Variants in MID1 observed in about 807,000 individuals in gnomAD.
MID1 encodes midline 1.
A neutral mutation model predicts 40.4 loss-of-function variants in MID1; 7 were observed. The ratio of observed to expected loss-of-function variants is 0.17; its 90% confidence interval spans 0.10 to 0.33. The LOEUF (loss-of-function observed/expected upper bound fraction) is 0.33, where lower values mean the gene tolerates loss of function less well. MID1 is among the 10% of genes least tolerant of loss of function. MID1 has a pLI of 1.00. For synonymous variants in MID1, 229 were observed against 221.2 expected (o/e 1.04, Z -0.31); for missense variants, 367 against 558.5 (o/e 0.66, Z 3.46).
chrX:10,770,379 G>A (rs2043757708), intron 1 of MID1, among the ~76,000 whole-genome samples: 1 of 112,161 alleles, frequency 8.9e-6, no homozygotes, highest in South Asian at 3.7e-4. Context: ...TCAGAGGGAT[G>A]CCAAGTTGTT....
At chrX:10,460,321 A>T (rs1928951210) in intron 7 of MID1, among the ~76,000 whole-genome samples, 1 of 111,459 alleles carries the variant, frequency 9.0e-6, no homozygotes, top group Non-Finnish European at 1.9e-5. Flanking sequence ...GCGATCAGCC[A>T]ACCCCAACCG....
chrX:10,628,498 C>A (rs1312945201), intron 1 of MID1, among the ~76,000 whole-genome samples: 1 of 111,652 alleles, frequency 9.0e-6, no homozygotes, highest in Admixed American at 9.6e-5. Context: ...AACAAAATAA[C>A]TATTCTTTTT....
At chrX:10,582,297 G>A (rs920448299) in intron 1 of MID1, among the ~76,000 whole-genome samples, 13 of 111,445 alleles carry the variant, frequency 1.2e-4, no homozygotes, top group African/African-American at 3.9e-4. Flanking sequence ...CTCCCCTGGC[G>A]CGAGATACTA....
At chrX:10,684,364 T>C (rs928183200) in intron 1 of MID1, among the ~76,000 whole-genome samples, 5 of 109,332 alleles carry the variant, frequency 4.6e-5, no homozygotes, top group Non-Finnish European at 7.6e-5. Context: ...TCTTTCTTTC[T>C]TTCTCTCTTT....
chrX:10,532,917 GCCA>G (rs56179731), intron 2 of MID1, among the ~76,000 whole-genome samples: 37,263 of 108,028 alleles, frequency 0.34, 5,235 homozygotes, highest in Non-Finnish European at 0.41. Flanking sequence ...ACAGGCATGT[GCCA>G]CCACCATGCC....
intron 2 of MID1, among the ~76,000 whole-genome samples, chrX:10,534,695 A>C (rs1288301686): frequency 8.9e-6 from 1 of 111,766 alleles, no homozygotes; most frequent in African/African-American, 3.3e-5. Flanking sequence ...TCATATCCCC[A>C]CATGTGTGGT....
intron 1 of MID1, among the ~76,000 whole-genome samples, chrX:10,710,813 T>C (rs2043262213): frequency 8.9e-6 from 1 of 111,772 alleles, no homozygotes; most frequent in African/African-American, 3.3e-5. Context: ...TCCATATAAA[T>C]ATCATAGAAA....
At chrX:10,470,466 G>T (rs1322631695) in intron 6 of MID1, among the ~76,000 whole-genome samples, 1 of 111,929 alleles carries the variant, frequency 8.9e-6, no homozygotes, top group African/African-American at 3.2e-5. Flanking sequence ...ACTTATGTTT[G>T]TTATCCTACA....
rs777621574 is a variant in MID1, at chrX:10,666,514, T to G, written c.-186-46095A>C. 1.4e-4 allele frequency among the ~76,000 whole-genome samples: 16 copies of G among 110,966 alleles called. 1 individual carries two copies. The South Asian group carries it at 6.1e-3, about 43-fold the overall frequency. On this transcript the variant is annotated intron_variant, in intron 1 of 10. Transcript: ENST00000380785. The stretch of plus-strand genomic sequence containing the variant: ...AGAGGAATAAGTGAAACTAGCCAGC[T>G]AACTAACAGCAGGCACTGATTCTAG...
chrX:10,710,356 C>A (rs765492360), intron 1 of MID1, among the ~76,000 whole-genome samples: 2 of 111,511 alleles, frequency 1.8e-5, no homozygotes, highest in African/African-American at 3.3e-5. Flanking sequence ...TTTTGCCCAG[C>A]AGTTACACTC....
intron 1 of MID1, among the ~76,000 whole-genome samples, chrX:10,703,856 T>C (rs1367031044): frequency 8.9e-6 from 1 of 111,939 alleles, no homozygotes; most frequent in Non-Finnish European, 1.9e-5. Context: ...AAAGACCAAA[T>C]AGTGGATGAA....
chrX:10,537,053 C>T (rs1933283881), intron 2 of MID1, among the ~76,000 whole-genome samples: 1 of 111,527 alleles, frequency 9.0e-6, no homozygotes, highest in Non-Finnish European at 1.9e-5. Context: ...ATCTGACTGG[C>T]AGTTCTAAAT....
At chrX:10,755,725 C>T (rs931156429) in intron 1 of MID1, among the ~76,000 whole-genome samples, 6 of 111,986 alleles carry the variant, frequency 5.4e-5, no homozygotes, top group East Asian at 2.8e-4. Context: ...TCCTGGGAGC[C>T]TGTTGTGAGC....
chrX:10,766,911 A>G (rs896211590), intron 1 of MID1, among the ~76,000 whole-genome samples: 3,465 of 106,810 alleles, frequency 0.032, 124 homozygotes, highest in African/African-American at 0.11. Context: ...CCTGCCTCAA[A>G]AAAAAAAAAA....
intron 1 of MID1, among the ~76,000 whole-genome samples, chrX:10,743,282 T>C (rs1230984764): frequency 2.7e-5 from 3 of 112,615 alleles, no homozygotes; most frequent in Non-Finnish European, 5.6e-5. Context: ...TCAATGGCTA[T>C]AGCCATAAAC....
At chrX:10,524,404 A>AC (rs1241104894) in intron 2 of MID1, among the ~76,000 whole-genome samples, 1 of 111,770 alleles carries the variant, frequency 8.9e-6, no homozygotes, top group African/African-American at 3.3e-5. Context: ...GATGAGCTAA[A>AC]AAAAAAAATC....
In MID1 at chrX:10,630,540, GGC is replaced by G. The variant is rs372159477; in HGVS notation, c.-186-10123_-186-10122del. 4.5e-3 allele frequency among the ~76,000 whole-genome samples: 489 copies of G among 109,799 alleles called. 4 individuals carry two copies. Among genetic ancestry groups the G allele is most frequent in the African/African-American group, 0.015 (456 of 30,007 alleles). On this transcript the variant is annotated intron_variant, in intron 1 of 10. Transcript: ENST00000380785. ...TGTCTGAGGGTGTATGTGTGCGGGG[GGC>G]GGGGGCAGTGGTTGTGGGTGGGTGT...
At chrX:10,511,885 C>A (rs1165870430) in intron 3 of MID1, among the ~76,000 whole-genome samples, 3 of 112,238 alleles carry the variant, frequency 2.7e-5, no homozygotes, top group Non-Finnish European at 5.6e-5. Context: ...TAATTTTATG[C>A]AATATTTTCA....
At chrX:10,585,861 C>T (rs1935129930) in intron 1 of MID1, among the ~76,000 whole-genome samples, 1 of 111,865 alleles carries the variant, frequency 8.9e-6, no homozygotes, top group African/African-American at 3.3e-5. Flanking sequence ...AGAACCACAT[C>T]CTATTTTTAA....
Sources: allele counts gnomAD v4.1 joint callset (sites outside exome capture counted in the v4.1 genomes callset), GRCh38; gene constraint gnomAD v4.1.1; transcripts MANE v1.5; gene names NCBI Gene and HGNC (gene_info 2026-07-23, HGNC 2026-07-21).